C10orf90: variants seen among roughly 807,000 people sequenced by gnomAD.
C10orf90 encodes the protein (E2-independent) E3 ubiquitin-conjugating enzyme FATS.
A neutral mutation model predicts 62.5 loss-of-function variants in C10orf90; 56 were observed. The ratio of observed to expected loss-of-function variants is 0.90; its 90% CI spans 0.72 to 1.12. The LOEUF (loss-of-function observed/expected upper bound fraction) is 1.12. Among genes scored for constraint, C10orf90 ranks in the 50% most tolerant of loss-of-function variants. The pLI, the probability that C10orf90 is intolerant of heterozygous loss-of-function variation, is 0.00. For synonymous variants in C10orf90, 386 were observed against 340.4 expected (o/e 1.13, Z -1.47); for missense variants, 970 against 880.4 (o/e 1.10, Z -1.29).
intron 2 of C10orf90, among the ~76,000 whole-genome samples, chr10:126,640,271 G>A (rs940606305): frequency 1.2e-4 from 18 of 152,260 alleles, no homozygotes; most frequent in Non-Finnish European, 2.2e-4. Context: ...TGAGGAGCAG[G>A]TCAGAAGCCT....
intron 2 of C10orf90, among the ~76,000 whole-genome samples, chr10:126,554,568 G>A (rs1864716391): frequency 6.6e-6 from 1 of 152,140 alleles, no homozygotes; most frequent in Non-Finnish European, 1.5e-5. Context: ...AATCCACTAA[G>A]CACGGTGCAA....
intron 2 of C10orf90, among the ~76,000 whole-genome samples, chr10:126,514,369 A>G (rs1863314281): frequency 6.6e-6 from 1 of 152,210 alleles, no homozygotes; most frequent in African/African-American, 2.4e-5. Flanking sequence ...TGGAGGGGTC[A>G]TGGATGACTC....
At chr10:126,521,065 C>T (rs1863715859) in intron 2 of C10orf90, among the ~76,000 whole-genome samples, 1 of 152,138 alleles carries the variant, frequency 6.6e-6, no homozygotes, top group South Asian at 2.1e-4. Context: ...TCAGCCAGCC[C>T]ACACCAGCGC....
At chr10:126,641,957 T>A (rs1227522931) in intron 2 of C10orf90, among the ~76,000 whole-genome samples, 2 of 152,126 alleles carry the variant, frequency 1.3e-5, no homozygotes, top group African/African-American at 4.8e-5. Flanking sequence ...ATAGCTTCAT[T>A]GTGAAAATGA....
chr10:126,573,897 G>C (rs1282267287), intron 2 of C10orf90, among the ~76,000 whole-genome samples: 1 of 152,130 alleles, frequency 6.6e-6, no homozygotes, highest in Non-Finnish European at 1.5e-5. Flanking sequence ...CATGCAGAGT[G>C]AGGTGAAGAT....
chr10:126,539,121 G>A (rs982354621), intron 2 of C10orf90, among the ~76,000 whole-genome samples: 7 of 152,162 alleles, frequency 4.6e-5, no homozygotes, highest in African/African-American at 1.7e-4. Flanking sequence ...CCAGCTCAGA[G>A]CAAGACAGCA....
chr10:126,577,003 AG>A (rs2134010915), intron 2 of C10orf90, among the ~76,000 whole-genome samples: 1 of 151,704 alleles, frequency 6.6e-6, no homozygotes, highest in Admixed American at 6.6e-5. Context: ...TGAGAAGGGT[AG>A]GGGGAAGAGA....
intron 1 of C10orf90, among the ~76,000 whole-genome samples, chr10:126,659,387 G>A (rs1359550675): frequency 6.6e-6 from 1 of 152,212 alleles, no homozygotes; most frequent in Non-Finnish European, 1.5e-5. Flanking sequence ...GCCCTTGGTT[G>A]CCAATGCACT....
At chr10:126,430,574 A>T (rs907024472) in intron 7 of C10orf90, among the ~76,000 whole-genome samples, 1 of 152,208 alleles carries the variant, frequency 6.6e-6, no homozygotes, top group Non-Finnish European at 1.5e-5. Flanking sequence ...TCAAATTCCC[A>T]TGAGACACTT....
At chr10:126,646,024 T>C (rs906398266) in intron 2 of C10orf90, among the ~76,000 whole-genome samples, 1 of 152,244 alleles carries the variant, frequency 6.6e-6, no homozygotes, top group Admixed American at 6.5e-5. Flanking sequence ...AACATTGGAC[T>C]AAATCTGTGG....
chr10:126,482,835 A>G (rs878932132), intron 4 of C10orf90, among the ~76,000 whole-genome samples: 1 of 152,162 alleles, frequency 6.6e-6, no homozygotes, highest in Admixed American at 6.6e-5. Context: ...AGGAGTGTGC[A>G]TTTCCTTGCA....
chr10:126,478,505 A>G (rs935177945), intron 4 of C10orf90, among the ~76,000 whole-genome samples: 1 of 152,346 alleles, frequency 6.6e-6, no homozygotes, highest in Admixed American at 6.5e-5. Flanking sequence ...TTTGTTCTTT[A>G]TTTTAAGTCT....
intron 4 of C10orf90, among the ~76,000 whole-genome samples, chr10:126,465,944 T>C (rs6597771): frequency 0.62 from 94,087 of 152,076 alleles, 29,961 homozygotes; most frequent in African/African-American, 0.79. Context: ...AGAGAAGATG[T>C]GGGAGACTGT....
intron 2 of C10orf90, among the ~76,000 whole-genome samples, chr10:126,527,892 G>C (rs1863992070): frequency 6.6e-6 from 1 of 152,308 alleles, no homozygotes; most frequent in South Asian, 2.1e-4. Flanking sequence ...GAGCAAAACA[G>C]CCAGAAAAGT....
intron 2 of C10orf90, among the ~76,000 whole-genome samples, chr10:126,635,048 G>A (rs1000011280): frequency 6.6e-6 from 1 of 152,152 alleles, no homozygotes; most frequent in Non-Finnish European, 1.5e-5. Context: ...CAGGCTGCCT[G>A]TCTCAATGTT....
Position 126,464,953 on chromosome 10 carries a change from C to A in C10orf90, c.1568G>T (p.Arg523Met), listed in dbSNP as rs1337635954. ...HTKVFSGSSKRQQGEVCMTVS... is the reference protein window; with the variant it reads ...HTKVFSGSSKMQQGEVCMTVS... Reference sequence around the variant, plus strand: ...AGTCATACATACTTCTCCTTGTTGCCTCTTGCTGCTTCCAGAAAATACTTT... The same window carrying A: ...AGTCATACATACTTCTCCTTGTTGCATCTTGCTGCTTCCAGAAAATACTTT... The change falls in exon 5 of 10, where the codon AGG becomes ATG. Residue 523 changes from arginine to methionine, a missense_variant. Coordinates refer to ENST00000488181, the MANE Select transcript of C10orf90 (RefSeq NM_001350921.2). The A allele has an allele frequency of 6.3e-7, 1 of 1,595,206 alleles. No homozygotes were observed. Among genetic ancestry groups the A allele is most frequent in the East Asian group, 2.3e-5 (1 of 44,322 alleles).
At chr10:126,457,177 C>T (rs1445725575) in intron 7 of C10orf90, among the ~76,000 whole-genome samples, 1 of 152,096 alleles carries the variant, frequency 6.6e-6, no homozygotes, top group African/African-American at 2.4e-5. Context: ...TTTGTAGAGA[C>T]AGGGTTTCTC....
At chr10:126,659,082 T>C (rs1846454783) in intron 1 of C10orf90, among the ~76,000 whole-genome samples, 1 of 152,210 alleles carries the variant, frequency 6.6e-6, no homozygotes, top group Non-Finnish European at 1.5e-5. Flanking sequence ...GCTTTCCTAC[T>C]TCCAATCAGC....
chr10:126,614,704 C>A (rs1426407450), intron 2 of C10orf90, among the ~76,000 whole-genome samples: 1 of 152,114 alleles, frequency 6.6e-6, no homozygotes, highest in Admixed American at 6.6e-5. Flanking sequence ...CGAAGAACAG[C>A]AGTGAATAGA....
Sources: allele counts gnomAD v4.1 joint callset (sites outside exome capture counted in the v4.1 genomes callset), GRCh38; gene constraint gnomAD v4.1.1; transcripts MANE v1.5; gene names NCBI Gene and HGNC (gene_info 2026-07-23, HGNC 2026-07-21).